The following SRGAP2C variants were observed in gnomAD, a reference collection of about 807,000 sequenced individuals.
SRGAP2C encodes SLIT-ROBO Rho GTPase-activating protein 2C.
A neutral mutation model predicts 25.1 loss-of-function variants in SRGAP2C; 15 were observed. That is an observed-to-expected ratio of 0.60 (90% CI 0.40 to 0.92). SRGAP2C has a LOEUF of 0.92. Among genes scored for constraint, SRGAP2C ranks in the 40% least tolerant of loss-of-function variants. The pLI is 0.00. For missense variants in SRGAP2C, 144 were observed against 264.4 expected, an observed-to-expected ratio of 0.54 and a Z score of 3.16; for synonymous variants, 44 against 96.6, an observed-to-expected ratio of 0.46 and a Z score of 3.19.
chr1:121,339,076 G>A (rs1658589013), intron 4 of SRGAP2C, among the ~76,000 whole-genome samples: 3 of 151,422 alleles, frequency 2.0e-5, no homozygotes, highest in South Asian at 4.2e-4. Flanking sequence ...TTAAAAATGA[G>A]AGTTACATTA....
chr1:121,269,779 TAAAA>T (rs1553334959), intron 2 of SRGAP2C, among the ~76,000 whole-genome samples: 1 of 135,942 alleles, frequency 7.4e-6, no homozygotes, highest in Non-Finnish European at 1.6e-5. Context: ...TCTCTAAGGT[TAAAA>T]AAAGATTATG....
At chr1:121,315,269 G>A (rs1658071780) in intron 3 of SRGAP2C, among the ~76,000 whole-genome samples, 2 of 152,052 alleles carry the variant, frequency 1.3e-5, no homozygotes. Flanking sequence ...TCAGCCTCCT[G>A]AGTAGCCAGG....
intron 2 of SRGAP2C, among the ~76,000 whole-genome samples, chr1:121,191,299 C>T (rs1553319724): frequency 6.6e-6 from 1 of 151,930 alleles, no homozygotes; most frequent in African/African-American, 2.4e-5. Context: ...TACACACATC[C>T]TTCTGTATAC....
intron 4 of SRGAP2C, among the ~76,000 whole-genome samples, chr1:121,354,060 G>A (rs1452960109): frequency 1.3e-5 from 1 of 79,182 alleles, no homozygotes; most frequent in Non-Finnish European, 2.4e-5. Context: ...AAGTTGGTGG[G>A]TTTAAACCAC....
chr1:121,371,740 G>A (rs369333453), intron 5 of SRGAP2C, among the ~76,000 whole-genome samples: 1,330 of 127,622 alleles, frequency 0.01, 20 homozygotes, highest in Non-Finnish European at 0.013. Flanking sequence ...ACTTGGTAGC[G>A]CTATTCTTTG....
intron 2 of SRGAP2C, among the ~76,000 whole-genome samples, chr1:121,270,004 T>TG (rs1419223379): frequency 6.6e-6 from 1 of 150,802 alleles, no homozygotes; most frequent in Non-Finnish European, 1.5e-5. Context: ...CATTCCAACT[T>TG]GCATGCTCCC....
chr1:121,312,668 T>A (rs1311500712), intron 3 of SRGAP2C, among the ~76,000 whole-genome samples: 4 of 90,120 alleles, frequency 4.4e-5, no homozygotes, highest in Non-Finnish European at 7.1e-5. Flanking sequence ...ATTTCTGCCT[T>A]CATTTTGTTA....
intron 4 of SRGAP2C, chr1:121,361,775 T>A (rs1553348608): frequency 6.6e-6 from 1 of 151,186 alleles, no homozygotes. Flanking sequence ...GGCATCTTTT[T>A]TTTTTTCCAG....
At chr1:121,284,016 C>T (rs1570760655) in intron 2 of SRGAP2C, among the ~76,000 whole-genome samples, 1 of 151,360 alleles carries the variant, frequency 6.6e-6, no homozygotes, top group African/African-American at 2.4e-5. Context: ...TATAGAGGCA[C>T]TACAGCATCT....
intron 3 of SRGAP2C, among the ~76,000 whole-genome samples, chr1:121,303,425 G>T (rs1263866450): frequency 1.3e-5 from 2 of 151,702 alleles, no homozygotes; most frequent in Non-Finnish European, 1.5e-5. Context: ...TTATTGATAT[G>T]TCCCCATCGT....
intron 2 of SRGAP2C, among the ~76,000 whole-genome samples, chr1:121,273,861 G>T (rs1657037894): frequency 6.6e-6 from 1 of 151,846 alleles, no homozygotes; most frequent in African/African-American, 2.4e-5. Flanking sequence ...GAGAAAGCCT[G>T]GGTGGGATTG....
chr1:121,232,939 T>C (rs1305392199), intron 2 of SRGAP2C, among the ~76,000 whole-genome samples: 1 of 137,144 alleles, frequency 7.3e-6, no homozygotes, highest in African/African-American at 2.8e-5. Context: ...CTGTAGATGA[T>C]GTCTTTTCAA....
rs1298143689 is a variant in SRGAP2C at position 121,265,920 on chromosome 1, T to C, written c.68-18883T>C. Among the ~76,000 whole-genome samples the C allele has an allele frequency of 2.6e-5, 4 of 151,710 alleles. No individual in the cohort carries two copies. In the South Asian group the frequency reaches 6.2e-4, roughly 24 times the overall value. ...TGTTTTTTATGCTTCTAGTTGACAA[T>C]TGGGTTTTATCAATGTCTTAGACTT... On this transcript the variant is annotated intron_variant, in intron 2 of 9. Transcript: ENST00000367123.
chr1:121,210,649 CAGT>C (rs1482624809), intron 2 of SRGAP2C, among the ~76,000 whole-genome samples: 6 of 93,082 alleles, frequency 6.4e-5, no homozygotes, highest in African/African-American at 2.7e-4. Context: ...TTAAAGAAAA[CAGT>C]AGAATACTTT....
intron 3 of SRGAP2C, among the ~76,000 whole-genome samples, chr1:121,303,520 C>A (rs1657745454): frequency 1.3e-5 from 2 of 151,640 alleles, no homozygotes; most frequent in Non-Finnish European, 2.9e-5. Flanking sequence ...TGGAGTTGAC[C>A]ATTTTTTCAG....
intron 3 of SRGAP2C, among the ~76,000 whole-genome samples, chr1:121,322,268 T>G (rs1260303053): frequency 2.4e-4 from 34 of 142,154 alleles, no homozygotes; most frequent in Non-Finnish European, 4.4e-4. Context: ...CACCACTTGA[T>G]TAAAATGTAA....
At chr1:121,267,350 C>T (rs79423893) in intron 2 of SRGAP2C, among the ~76,000 whole-genome samples, 1 of 151,048 alleles carries the variant, frequency 6.6e-6, no homozygotes, top group African/African-American at 2.5e-5. Flanking sequence ...CACCACCATG[C>T]CTGGCTACTT....
At chr1:121,243,982 G>A (rs1156801447) in intron 2 of SRGAP2C, among the ~76,000 whole-genome samples, 1 of 147,382 alleles carries the variant, frequency 6.8e-6, no homozygotes, top group East Asian at 2.0e-4. Context: ...TGCCTTTAGG[G>A]TTGGGAAGCA....
chr1:121,260,319 AG>A (rs1214868053), intron 2 of SRGAP2C, among the ~76,000 whole-genome samples: 7 of 151,920 alleles, frequency 4.6e-5, no homozygotes, highest in Non-Finnish European at 7.4e-5. Context: ...GCCAGTTTAA[AG>A]GCCTTAAGGT....
Sources: gnomAD v4.1 joint callset for allele counts (sites outside exome capture counted in the v4.1 genomes callset) on GRCh38, gnomAD v4.1.1 for gene constraint, MANE v1.5 for transcripts, NCBI Gene and HGNC (gene_info 2026-07-23, HGNC 2026-07-21) for gene names.